Variants in TBC1D14 observed in about 807,000 individuals in gnomAD.
The protein encoded by TBC1D14 is TBC1 domain family member 14, also known as TBC1 domain family, member 14.
In TBC1D14, 26 loss-of-function variants were observed where a neutral mutation model predicts 79.0. That is an observed-to-expected ratio of 0.33 (90% CI 0.24 to 0.46). The LOEUF is 0.46. Ranked by LOEUF, TBC1D14 falls within the 20% of genes least tolerant of loss-of-function variation. TBC1D14 has a pLI of 1.00. For synonymous variants in TBC1D14, 394 were observed against 349.9 expected (o/e 1.13, Z -1.40); for missense variants, 769 against 887.6 (o/e 0.87, Z 1.70).
At chr4:6,956,974 G>A (rs923090841) in intron 2 of TBC1D14, among the ~76,000 whole-genome samples, 1 of 152,192 alleles carries the variant, frequency 6.6e-6, no homozygotes, top group Admixed American at 6.5e-5. Flanking sequence ...CATTGATTTG[G>A]TATCTCCTCC....
At chr4:6,939,178 C>T (rs1712647649) in intron 2 of TBC1D14, among the ~76,000 whole-genome samples, 2 of 152,186 alleles carry the variant, frequency 1.3e-5, no homozygotes, top group African/African-American at 2.4e-5. Context: ...AGAGTTGCGT[C>T]AGGCGGTCTC....
intron 11 of TBC1D14, among the ~76,000 whole-genome samples, chr4:7,012,017 T>C (rs1031973474): frequency 6.6e-6 from 1 of 151,902 alleles, no homozygotes; most frequent in African/African-American, 2.4e-5. Flanking sequence ...AAGCTGTTGG[T>C]TGGCCGGGCA....
intron 3 of TBC1D14, among the ~76,000 whole-genome samples, chr4:6,969,831 A>G (rs949429656): frequency 6.6e-6 from 1 of 151,676 alleles, no homozygotes; most frequent in Non-Finnish European, 1.5e-5. Flanking sequence ...CAAGAGGAGG[A>G]CCATCTGCTT....
chr4:6,968,709 C>T (rs79554446), intron 3 of TBC1D14, among the ~76,000 whole-genome samples: 12 of 152,324 alleles, frequency 7.9e-5, no homozygotes, highest in Admixed American at 3.3e-4. Context: ...GGCTGACTGC[C>T]GGGAGGAGGC....
intron 2 of TBC1D14, among the ~76,000 whole-genome samples, chr4:6,961,073 C>T (rs958773463): frequency 1.3e-5 from 2 of 152,180 alleles, no homozygotes; most frequent in Admixed American, 6.5e-5. Flanking sequence ...AAAATGGACA[C>T]GCCATTATTC....
chr4:6,937,913 C>A (rs1404840318), intron 2 of TBC1D14, among the ~76,000 whole-genome samples: 3 of 152,074 alleles, frequency 2.0e-5, no homozygotes, highest in Non-Finnish European at 4.4e-5. Flanking sequence ...CCTGCAGGGT[C>A]AGTTTCCACC....
intron 1 of TBC1D14, among the ~76,000 whole-genome samples, chr4:6,920,656 A>C (rs913449336): frequency 2.0e-5 from 3 of 152,174 alleles, no homozygotes; most frequent in Non-Finnish European, 4.4e-5. Flanking sequence ...TGCCTATTAA[A>C]TGCTTTTCTT....
chr4:6,955,221 A>G (rs956062632), intron 2 of TBC1D14, among the ~76,000 whole-genome samples: 6 of 152,158 alleles, frequency 3.9e-5, no homozygotes, highest in Non-Finnish European at 7.3e-5. Context: ...GTGTGTGGCA[A>G]TGTCAGTTTT....
intron 13 of TBC1D14, among the ~76,000 whole-genome samples, chr4:7,027,698 C>A (rs1476569129): frequency 3.4e-5 from 4 of 115,974 alleles, no homozygotes; most frequent in African/African-American, 1.0e-4. Context: ...AAATCACCCC[C>A]CACACATCAC....
At chr4:6,956,887 G>A (rs3892976) in intron 2 of TBC1D14, among the ~76,000 whole-genome samples, 64,061 of 152,138 alleles carry the variant, frequency 0.42, 14,560 homozygotes, top group East Asian at 0.66. Flanking sequence ...TGCTAGAAGC[G>A]AACAAAGGTG....
intron 1 of TBC1D14, among the ~76,000 whole-genome samples, chr4:6,920,060 G>T (rs1044667439): frequency 6.6e-6 from 1 of 151,706 alleles, no homozygotes; most frequent in South Asian, 2.1e-4. Flanking sequence ...GACTACAGGT[G>T]TGCACTACCA....
chr4:6,987,224 G>C, intron 3 of TBC1D14: 1 of 1,244,848 alleles, frequency 8.0e-7, no homozygotes, highest in Non-Finnish European at 1.0e-6. Context: ...GCCCCGCCCC[G>C]CGAGTCTGAG....
rs776948447 is a variant in TBC1D14 at position 7,004,894 on chromosome 4, A to G, written c.1321A>G (p.Ser441Gly). ...AGCCAAGGAGAGGTGGCGGTCCCTT[A>G]GCACAGGAGGCTCTGAAGTGGAGAA... is the stretch of plus-strand genomic sequence containing the variant. ...ARAKERWRSL[S>G]TGGSEVENED... The change falls in exon 8 of 14, where the codon AGC becomes GGC. Residue 441 changes from serine to glycine, a missense_variant. Ser to Gly is a moderately conservative substitution (Grantham distance 56). Transcript: ENST00000409757. The G allele has an allele frequency of 1.2e-6, 2 of 1,614,114 alleles. No homozygotes were observed. Among genetic ancestry groups the G allele is most frequent in the East Asian group, 2.2e-5 (1 of 44,872 alleles).
At position 7,001,167 on chromosome 4, in the gene TBC1D14, G is replaced by C; in HGVS notation, c.1186G>C (p.Asp396His). ...ETMWCSRKVR[D>H]LWWQGIPPSV... ...CAGGTGGTGCTCTAGAAAAGTTCGA[G>C]ATTTATGGTGGCAGGGAATCCCTCC... The change falls in exon 7 of 14, where the codon GAT becomes CAT. Residue 396 changes from aspartate (D) to histidine (H), a missense_variant. Asp to His is a moderately conservative substitution (Grantham distance 81). Coordinates refer to ENST00000409757, the MANE Select transcript of TBC1D14 (RefSeq NM_020773.3). The C allele has an allele frequency of 6.2e-7, 1 of 1,614,146 alleles. No homozygotes were observed. Among genetic ancestry groups the C allele is most frequent in the Non-Finnish European group, 8.5e-7 (1 of 1,180,028 alleles).
At chr4:6,936,094 T>G (rs1712297096) in intron 2 of TBC1D14, among the ~76,000 whole-genome samples, 1 of 152,244 alleles carries the variant, frequency 6.6e-6, no homozygotes, top group African/African-American at 2.4e-5. Context: ...TCCCCTCTCA[T>G]CAGCAGCCCA....
intron 8 of TBC1D14, 94 bp downstream of exon 8, chr4:7,005,018 G>C: frequency 8.5e-7 from 1 of 1,172,080 alleles, no homozygotes; most frequent in Non-Finnish European, 1.3e-6. Context: ...AACTACAGTA[G>C]AGATTGTTGT....
intron 6 of TBC1D14, among the ~76,000 whole-genome samples, chr4:7,000,280 A>G (rs942263067): frequency 5.3e-5 from 8 of 151,962 alleles, no homozygotes; most frequent in South Asian, 2.1e-4. Context: ...CATTGCATGC[A>G]GACCCACAGC....
chr4:6,938,360 C>A (rs1299362254), intron 2 of TBC1D14, among the ~76,000 whole-genome samples: 2 of 152,156 alleles, frequency 1.3e-5, no homozygotes, highest in Admixed American at 6.5e-5. Flanking sequence ...TGGAGAGGGC[C>A]AGGCCAGGAT....
At chr4:6,978,341 T>C (rs7663854) in intron 3 of TBC1D14, among the ~76,000 whole-genome samples, 142,799 of 144,156 alleles carry the variant, frequency 0.99, 70,749 homozygotes, top group Middle Eastern at 1. Context: ...GGATGGTTGC[T>C]GTGTCTGTGT....
Sources: allele counts gnomAD v4.1 joint callset (sites outside exome capture counted in the v4.1 genomes callset), GRCh38; gene constraint gnomAD v4.1.1; transcripts MANE v1.5; gene names NCBI Gene and HGNC (gene_info 2026-07-23, HGNC 2026-07-21).